MUC5AC: variants seen among roughly 807,000 people sequenced by gnomAD.
MUC5AC encodes mucin 5AC, oligomeric mucus/gel-forming, also known as mucin-5AC.
MUC5AC carries 158 observed loss-of-function variants against 169.7 expected under a neutral mutation model. That is an observed-to-expected ratio of 0.93 (90% CI 0.82 to 1.06). MUC5AC has a LOEUF of 1.06. Ranked by LOEUF, MUC5AC falls within the 50% of genes least tolerant of loss-of-function variation. MUC5AC has a pLI of 0.00. For synonymous variants in MUC5AC, 1,975 were observed against 1,237.0 expected (o/e 1.60, Z -12.52); for missense variants, 4,359 against 3,089.9 (o/e 1.41, Z -9.74).
chr11:1,192,869 G>A lies in MUC5AC; in HGVS notation c.14467G>A (p.Asp4823Asn). 1.3e-6 allele frequency: 1 copy of A among 764,862 alleles called. No homozygotes were observed. The highest frequency in any genetic ancestry group is 2.4e-6 in the Non-Finnish European group (1 of 417,784). The allele number at this position is 764,862 out of a possible 1,614,324, so 47.4% of individuals were successfully genotyped here. Residue 4823 changes from aspartate to asparagine, a missense_variant, in exon 32 of 49, where the codon GAC (aspartate) becomes AAC (asparagine). Coordinates refer to ENST00000621226, the MANE Select transcript of MUC5AC (RefSeq NM_001304359.2). ...GGACTGCCAAGTGGTCAGAGGGGTTGACAGTGACTGTCCGTCCACCACGCT... is the reference window on the plus strand; with the variant it reads ...GGACTGCCAAGTGGTCAGAGGGGTTAACAGTGACTGTCCGTCCACCACGCT... ...SQDCQVVRGV[D>N]SDCPSTTLPP...
intron 16 of MUC5AC, 42 bp from the exon 17 acceptor site, chr11:1,174,454 G>A: frequency 7.9e-7 from 1 of 1,266,072 alleles, no homozygotes; most frequent in Non-Finnish European, 1.1e-6. Context: ...CACCAGGTGT[G>A]GGCTGGGGTC....
chr11:1,169,670 A>G (rs1329669271), intron 15 of MUC5AC, among the ~76,000 whole-genome samples: 5 of 131,836 alleles, frequency 3.8e-5, no homozygotes, highest in Admixed American at 7.6e-5. Flanking sequence ...CCACTCACCC[A>G]CTCACTCACC....
intron 36 of MUC5AC, 127 bp from the exon 37 acceptor site, chr11:1,195,749 G>GGGGGGGGGGGGGGGGGCT: frequency 1.7e-6 from 1 of 591,702 alleles, no homozygotes; most frequent in Non-Finnish European, 3.1e-6. Context: ...CAGGAGGGCG[G>GGGGGGGGGGGGGGGGGCT]CCACACACCA....
intron 6 of MUC5AC, among the ~76,000 whole-genome samples, 195 bp from the exon 7 acceptor site, chr11:1,163,687 G>A (rs1860213610): frequency 6.6e-6 from 1 of 152,124 alleles, no homozygotes; most frequent in Non-Finnish European, 1.5e-5. Context: ...CAGACCCCCT[G>A]AGGGTCCCAG....
In MUC5AC at chr11:1,163,024, G is replaced by A. The variant is rs1420985823; in HGVS notation, c.658G>A (p.Val220Ile). Reference sequence around the variant, plus strand: ...TGGGGACTTCAACGGGATGCCCGTGGTCAGCGAGCTCCTCTCCCACAGTAA... The same window carrying A: ...TGGGGACTTCAACGGGATGCCCGTGATCAGCGAGCTCCTCTCCCACAGTAA... ...LCGDFNGMPVVSELLSHNTKL... is the reference protein window; with the variant it reads ...LCGDFNGMPVISELLSHNTKL... The change falls in exon 6 of 49, where the codon GTC (valine) becomes ATC (isoleucine). Residue 220 changes from valine to isoleucine, a missense_variant. Transcript: ENST00000621226. 6.2e-7 allele frequency: 1 copy of A among 1,612,514 alleles called. No individual in the cohort carries two copies. Among genetic ancestry groups the A allele is most frequent in the Non-Finnish European group, 8.5e-7 (1 of 1,179,846 alleles).
intron 35 of MUC5AC, 55 bp from the exon 36 acceptor site, chr11:1,194,957 G>A: frequency 1.5e-6 from 1 of 663,810 alleles, no homozygotes; most frequent in Non-Finnish European, 2.8e-6. Flanking sequence ...CCAGCTGGGG[G>A]TGGGGCCAGC....
chr11:1,172,414 C>A lies in MUC5AC; in HGVS notation c.1871-15C>A. ...CCTGATCTTAATCCTAACCCTATCC[C>A]TCCTCTGTCCACAGAGAAGTATGCT... On this transcript the variant is annotated splice_polypyrimidine_tract_variant and intron_variant, in intron 15 of 48. Transcript: ENST00000621226. 2.5e-6 allele frequency: 1 copy of A among 398,654 alleles called. No individual in the cohort carries two copies. The highest frequency in any genetic ancestry group is 4.4e-6 in the Non-Finnish European group (1 of 226,076). The allele number at this position is 398,654 out of a possible 1,614,324, so 24.7% of individuals were successfully genotyped here.
chr11:1,177,022 C>A lies in MUC5AC; in HGVS notation c.2749C>A (p.Gln917Lys). 2.5e-6 allele frequency: 1 copy of A among 398,944 alleles called. No homozygotes were observed. Among genetic ancestry groups the A allele is most frequent in the Non-Finnish European group, 4.4e-6 (1 of 226,244 alleles). The allele number at this position is 398,944 out of a possible 1,614,324, so 24.7% of individuals were successfully genotyped here. A position where few individuals can be genotyped will look rare whatever the true frequency, so the allele number is the denominator to read the frequency against. ...GDGHYLTFDG[Q>K]SYSFNGDCEY... is the part of the protein sequence containing the mutation. ...CGGCCACTACCTCACCTTCGACGGA[C>A]AGAGCTACAGCTTCAACGGAGACTG... Residue 917 changes from glutamine (Q) to lysine (K), a missense_variant, in exon 22 of 49, where the codon CAG becomes AAG. By Grantham distance (53) the Gln-to-Lys change is moderately conservative. Transcript: ENST00000621226.
At chr11:1,160,526 C>A (rs573591245) in intron 1 of MUC5AC, 86 bp from the exon 2 acceptor site, 1 of 1,198,252 alleles carries the variant, frequency 8.3e-7, no homozygotes, top group Non-Finnish European at 1.2e-6. Flanking sequence ...TCCCGTCCCT[C>A]TGGTGTCCAT....
At chr11:1,166,794 C>A (rs1860345744) in intron 11 of MUC5AC, among the ~76,000 whole-genome samples, 1 of 81,724 alleles carries the variant, frequency 1.2e-5, no homozygotes, top group Admixed American at 1.1e-4. Flanking sequence ...GCACCCAACA[C>A]ACAGTCTCCC....
chr11:1,188,714 G>A lies in MUC5AC; in HGVS notation c.10569G>A (p.Arg3523=). 1.3e-6 allele frequency: 1 copy of A among 764,756 alleles called. No homozygotes were observed. The highest frequency in any genetic ancestry group is 2.4e-6 in the Non-Finnish European group (1 of 417,728). The allele number at this position is 764,756 out of a possible 1,614,324, so 47.4% of individuals were successfully genotyped here. A position where few individuals can be genotyped will look rare whatever the true frequency, so the allele number is the denominator to read the frequency against. ...SQPVTRDCHP[R]CTWTKWFDVD... ...CAGTCACCAGAGACTGTCATCCCCG[G>A]TGCACCTGGACCAAATGGTTTGATG... Residue 3523 remains arginine (R), a synonymous_variant, in exon 31 of 49, where the codon CGG becomes CGA. Coordinates refer to ENST00000621226, the MANE Select transcript of MUC5AC (RefSeq NM_001304359.2).
In MUC5AC at chr11:1,161,512, C is replaced by T. The variant is rs558097968; in HGVS notation, c.152-15C>T. The T allele has an allele frequency of 3.2e-6, 5 of 1,584,626 alleles. No individual in the cohort carries two copies. The African/African-American group carries it at 5.4e-5, about 17-fold the overall frequency. Reference sequence around the variant, plus strand: ...TGGGGCCGTGCGTGAATCCTACCAGCCCCTGTCTCCGCAGGGGTCCCGCTC... The same window carrying T: ...TGGGGCCGTGCGTGAATCCTACCAGTCCCTGTCTCCGCAGGGGTCCCGCTC... On this transcript the variant is annotated splice_polypyrimidine_tract_variant and intron_variant, in intron 2 of 48. Coordinates refer to ENST00000621226, the MANE Select transcript of MUC5AC (RefSeq NM_001304359.2).
At chr11:1,170,756 C>G (rs1191697586) in intron 15 of MUC5AC, among the ~76,000 whole-genome samples, 1 of 135,850 alleles carries the variant, frequency 7.4e-6, no homozygotes, top group African/African-American at 2.7e-5. Context: ...CATTCACTCA[C>G]TCGCCCACTC....
At position 1,164,398 on chromosome 11, in the gene MUC5AC, C is replaced by T; in HGVS notation, c.1004-9C>T. 2 of 1,612,234 alleles carry T rather than the reference C, an allele frequency of 1.2e-6. No individual in the cohort carries two copies. Among genetic ancestry groups the T allele is most frequent in the Middle Eastern group, 1.6e-4 (1 of 6,062 alleles). The stretch of plus-strand genomic sequence containing the variant: ...AGGCAGACGTGAGCCCTCTCTCTGC[C>T]TCCCGCAGCCCAGAAGTGCCCCAAC... On this transcript the variant is annotated splice_polypyrimidine_tract_variant and intron_variant, in intron 8 of 48. Transcript: ENST00000621226.
chr11:1,170,080 ACTCACTCACTCAC>A (rs1860457559), intron 15 of MUC5AC, among the ~76,000 whole-genome samples: 1 of 124,492 alleles, frequency 8.0e-6, no homozygotes, highest in Admixed American at 8.0e-5. Context: ...TCACTCACCC[ACTCACTCACTCAC>A]CTCACTCACT....
Position 1,185,371 on chromosome 11 carries a change from C to G in MUC5AC, c.7226C>G (p.Thr2409Arg). The change falls in exon 31 of 49, where the codon ACA becomes AGA. Residue 2409 changes from threonine to arginine, a missense_variant. Coordinates refer to ENST00000621226, the MANE Select transcript of MUC5AC (RefSeq NM_001304359.2). ...VPTTSTTSATTTSTTSAPTTS... is the reference protein window; with the variant it reads ...VPTTSTTSATRTSTTSAPTTS... ...ACCACCAGCACAACCTCTGCCACTA[C>G]AACCAGCACAACCTCAGCTCCTACA... The G allele has an allele frequency of 1.4e-6, 1 of 719,374 alleles. No individual in the cohort carries two copies. The highest frequency in any genetic ancestry group is 2.5e-6 in the Non-Finnish European group (1 of 394,584). 44.6% of individuals were successfully genotyped at this position (719,374 alleles called of 1,614,324 possible).
Position 1,187,828 on chromosome 11 carries a change from G to C in MUC5AC, c.9683G>C (p.Trp3228Ser). Residue 3228 changes from tryptophan (W) to serine (S), a missense_variant, in exon 31 of 49, where the codon TGG becomes TCG. Physicochemically the swap from Trp to Ser is radical, Grantham distance 177. Transcript: ENST00000621226. ...AGAGACTGTCATCTCCGGTGCACCT[G>C]GACCAAGTGGTTTGACATAGACTTC... The part of the protein sequence containing the change: ...VTRDCHLRCT[W>S]TKWFDIDFPS... 4 of 764,856 alleles carry C rather than the reference G, an allele frequency of 5.2e-6. No homozygotes were observed. Among genetic ancestry groups the C allele is most frequent in the African/African-American group, 1.7e-5 (1 of 59,234 alleles). The allele number at this position is 764,856 out of a possible 1,614,324, so 47.4% of individuals were successfully genotyped here. A position where few individuals can be genotyped will look rare whatever the true frequency, so the allele number is the denominator to read the frequency against.
At position 1,199,155 on chromosome 11, in the gene MUC5AC, C is replaced by T. The variant is rs1340896095; in HGVS notation, c.16365C>T (p.Asn5455=). 1.3e-6 allele frequency: 1 copy of T among 764,584 alleles called. No individual in the cohort carries two copies. Among genetic ancestry groups the T allele is most frequent in the Admixed American group, 1.7e-5 (1 of 58,944 alleles). 47.4% of individuals were successfully genotyped at this position (764,584 alleles called of 1,614,324 possible). The change falls in exon 45 of 49, where the codon AAC becomes AAT. Residue 5455 remains asparagine, a synonymous_variant. Coordinates refer to ENST00000621226, the MANE Select transcript of MUC5AC (RefSeq NM_001304359.2). ...GTGTGCAGGTCGCCTGTGTCACCAA[C>T]ACCAGCAAGAGCCCCGCCCACCTCT... The part of the protein sequence containing the change: ...GTCVQVACVT[N]TSKSPAHLFY...
intron 24 of MUC5AC, among the ~76,000 whole-genome samples, 178 bp downstream of exon 24, chr11:1,177,811 G>A (rs1240061905): frequency 1.3e-5 from 2 of 152,206 alleles, no homozygotes; most frequent in Admixed American, 1.3e-4. Context: ...GAGACTCCTT[G>A]GCTGGGTGTC....
Sources: gnomAD v4.1 joint callset for allele counts (sites outside exome capture counted in the v4.1 genomes callset) on GRCh38, gnomAD v4.1.1 for gene constraint, MANE v1.5 for transcripts, NCBI Gene and HGNC (gene_info 2026-07-23, HGNC 2026-07-21) for gene names.